DEPTOR: variants seen among roughly 807,000 people sequenced by gnomAD.
DEPTOR encodes DEP domain-containing mTOR-interacting protein.
Under a neutral mutation model 41.6 loss-of-function variants are expected in DEPTOR, and 41 were observed. The observed-to-expected ratio is 0.98, with a 90% confidence interval of 0.77 to 1.28. The LOEUF (loss-of-function observed/expected upper bound fraction) is 1.28, where lower values mean the gene tolerates loss of function less well. Ranked by LOEUF, DEPTOR falls within the 50% of genes most tolerant of loss-of-function variation. DEPTOR has a pLI of 0.00. For synonymous variants in DEPTOR, 195 were observed against 192.3 expected (o/e 1.01, Z -0.12); for missense variants, 514 against 527.9 (o/e 0.97, Z 0.26).
intron 1 of DEPTOR, among the ~76,000 whole-genome samples, chr8:119,923,976 C>A (rs2129832412): frequency 6.7e-6 from 1 of 149,422 alleles, no homozygotes; most frequent in South Asian, 2.1e-4. Context: ...TTAATGCAGA[C>A]AGTTTTGTCC....
chr8:120,035,514 G>A (rs566873840), intron 8 of DEPTOR, among the ~76,000 whole-genome samples: 1 of 152,198 alleles, frequency 6.6e-6, no homozygotes, highest in South Asian at 2.1e-4. Flanking sequence ...TCCTTCAGTG[G>A]TAAAGGAGGG....
chr8:120,007,998 G>C (rs978127291), intron 7 of DEPTOR, among the ~76,000 whole-genome samples: 4 of 152,160 alleles, frequency 2.6e-5, no homozygotes, highest in African/African-American at 9.7e-5. Flanking sequence ...GTTAGTAATT[G>C]ATTGTGAATG....
chr8:120,009,334 C>T (rs531974703), intron 8 of DEPTOR, among the ~76,000 whole-genome samples: 1 of 152,036 alleles, frequency 6.6e-6, no homozygotes, highest in Non-Finnish European at 1.5e-5. Context: ...AGTGTCTAGC[C>T]AGGCGCGGTG....
intron 1 of DEPTOR, among the ~76,000 whole-genome samples, chr8:119,906,887 C>T (rs905600276): frequency 2.0e-5 from 3 of 152,162 alleles, no homozygotes; most frequent in Admixed American, 2.0e-4. Flanking sequence ...CGTTGTTCAT[C>T]AGGGCCAATA....
intron 3 of DEPTOR, among the ~76,000 whole-genome samples, chr8:119,946,991 G>T (rs868038773): frequency 5.3e-5 from 8 of 152,142 alleles, no homozygotes; most frequent in Admixed American, 3.3e-4. Flanking sequence ...GCTCTGAGGG[G>T]CGTGTGTGTA....
At chr8:119,952,467 C>G (rs1586630170) in intron 3 of DEPTOR, among the ~76,000 whole-genome samples, 1 of 152,116 alleles carries the variant, frequency 6.6e-6, no homozygotes, top group South Asian at 2.1e-4. Flanking sequence ...GTACAAGGAG[C>G]CCCTAAAGTT....
At chr8:119,918,453 TA>T (rs1323177937) in intron 1 of DEPTOR, among the ~76,000 whole-genome samples, 1 of 93,404 alleles carries the variant, frequency 1.1e-5, no homozygotes, top group African/African-American at 5.5e-5. Flanking sequence ...TTTATTTATT[TA>T]TTTATTTATT....
At chr8:120,029,427 ACT>A (rs1812851417) in intron 8 of DEPTOR, among the ~76,000 whole-genome samples, 1 of 151,898 alleles carries the variant, frequency 6.6e-6, no homozygotes, top group South Asian at 2.1e-4. Flanking sequence ...ACGGAGTCTC[ACT>A]CTGTCACCCA....
chr8:120,007,848 G>A (rs1256065562), intron 7 of DEPTOR, among the ~76,000 whole-genome samples: 1 of 152,196 alleles, frequency 6.6e-6, no homozygotes. Flanking sequence ...GTAAAGTAAC[G>A]GAAGTGCCTG....
At chr8:120,002,791 A>AAAAAATAT in intron 5 of DEPTOR, among the ~76,000 whole-genome samples, 186 bp from the exon 6 acceptor site, 10 of 60,664 alleles carry the variant, frequency 1.6e-4, no homozygotes, top group East Asian at 5.2e-4. Context: ...AAAAAAAAAA[A>AAAAAATAT]ATATATATAT....
At chr8:119,990,081 C>A (rs1812128278) in intron 4 of DEPTOR, among the ~76,000 whole-genome samples, 1 of 152,114 alleles carries the variant, frequency 6.6e-6, no homozygotes, top group Non-Finnish European at 1.5e-5. Flanking sequence ...AAAATCCTAC[C>A]CCTTGTTCTG....
At chr8:119,923,937 C>A (rs1519810) in intron 1 of DEPTOR, among the ~76,000 whole-genome samples, 31,086 of 142,734 alleles carry the variant, frequency 0.22, 3,861 homozygotes, top group African/African-American at 0.35. Context: ...TATCACATAG[C>A]TGTTTGCTTT....
At chr8:119,906,297 C>T (rs370788858) in intron 1 of DEPTOR, among the ~76,000 whole-genome samples, 3 of 140,450 alleles carry the variant, frequency 2.1e-5, no homozygotes, top group African/African-American at 8.0e-5. Context: ...ACTAAAAATA[C>T]AAAAAAAAAA....
intron 1 of DEPTOR, among the ~76,000 whole-genome samples, chr8:119,875,641 G>A (rs1309082996): frequency 6.6e-6 from 1 of 152,206 alleles, no homozygotes. Flanking sequence ...TAAGCTGCTG[G>A]GACTGATGGG....
At chr8:120,022,744 C>A (rs1423252812) in intron 8 of DEPTOR, among the ~76,000 whole-genome samples, 1 of 151,824 alleles carries the variant, frequency 6.6e-6, no homozygotes, top group African/African-American at 2.4e-5. Context: ...CTATGTTGCC[C>A]AGGCTGCTCT....
At chr8:120,025,225 G>A (rs1027088505) in intron 8 of DEPTOR, among the ~76,000 whole-genome samples, 1 of 152,126 alleles carries the variant, frequency 6.6e-6, no homozygotes, top group Admixed American at 6.6e-5. Flanking sequence ...GGTAAAAGAC[G>A]GATTCTCAAA....
chr8:119,894,362 C>T (rs1827487409), intron 1 of DEPTOR, among the ~76,000 whole-genome samples: 1 of 129,486 alleles, frequency 7.7e-6, no homozygotes. Context: ...TGAACCACTG[C>T]ACCTGGCCTC....
At chr8:119,889,980 T>G (rs528780583) in intron 1 of DEPTOR, among the ~76,000 whole-genome samples, 1 of 152,274 alleles carries the variant, frequency 6.6e-6, no homozygotes, top group East Asian at 1.9e-4. Flanking sequence ...TGTTTTGTGT[T>G]TTTAGACGGA....
chr8:119,998,726 C>G (rs1409030685), intron 4 of DEPTOR, among the ~76,000 whole-genome samples: 1 of 152,060 alleles, frequency 6.6e-6, no homozygotes, highest in African/African-American at 2.4e-5. Context: ...GATGTACGTC[C>G]AGACTAATAG....
Sources: allele counts gnomAD v4.1 joint callset (sites outside exome capture counted in the v4.1 genomes callset), GRCh38; gene constraint gnomAD v4.1.1; transcripts MANE v1.5; gene names NCBI Gene and HGNC (gene_info 2026-07-23, HGNC 2026-07-21).